Variants in ADAMTS18 observed in about 807,000 individuals in gnomAD.
ADAMTS18 encodes the protein ADAM metallopeptidase with thrombospondin type 1 motif 18, also known as A disintegrin and metalloproteinase with thrombospondin motifs 18.
In ADAMTS18, 157 loss-of-function variants were observed where a neutral mutation model predicts 165.9. That is an observed-to-expected ratio of 0.95 (90% CI 0.83 to 1.08). ADAMTS18 has a LOEUF of 1.08. Among genes scored for constraint, ADAMTS18 ranks in the 50% least tolerant of loss-of-function variants. The pLI is 0.00. For synonymous variants in ADAMTS18, 782 were observed against 578.2 expected (o/e 1.35, Z -5.06); for missense variants, 2,040 against 1,534.0 (o/e 1.33, Z -5.51).
chr16:77,306,360 G>A (rs2055681656), intron 16 of ADAMTS18, among the ~76,000 whole-genome samples: 1 of 152,122 alleles, frequency 6.6e-6, no homozygotes, highest in Admixed American at 6.5e-5. Context: ...CACAGACAGG[G>A]GCTGGAATCT....
intron 12 of ADAMTS18, among the ~76,000 whole-genome samples, chr16:77,327,653 A>G (rs1260122330): frequency 1.3e-5 from 2 of 152,190 alleles, no homozygotes; most frequent in Admixed American, 1.3e-4. Context: ...GACCCTCATC[A>G]TATTAGCCCC....
chr16:77,337,965 G>A (rs2056336862), intron 11 of ADAMTS18, among the ~76,000 whole-genome samples: 2 of 147,772 alleles, frequency 1.4e-5, no homozygotes, highest in African/African-American at 5.0e-5. Flanking sequence ...ATGCAGTGGT[G>A]CGATCTCGGC....
rs1193757720 is a variant in ADAMTS18, at chr16:77,332,085, C to T, written c.1859+3671G>A. On this transcript the variant is annotated intron_variant, in intron 12 of 22. Coordinates refer to ENST00000282849, the MANE Select transcript of ADAMTS18 (RefSeq NM_199355.4). ...GTTGACATAGGTACTATCGTTATCC[C>T]GTTTTTATAAGTGAGGAATCTGGAG... is the stretch of plus-strand genomic sequence containing the variant. Among the ~76,000 whole-genome samples, 6 of 152,200 alleles carry T rather than the reference C, an allele frequency of 3.9e-5. No individual in the cohort carries two copies. The East Asian group carries it at 9.7e-4, about 25-fold the overall frequency.
chr16:77,334,833 T>C (rs2056278708), intron 12 of ADAMTS18, among the ~76,000 whole-genome samples: 1 of 125,024 alleles, frequency 8.0e-6, no homozygotes, highest in South Asian at 2.4e-4. Context: ...CTATATACTA[T>C]AGTATACAGT....
intron 9 of ADAMTS18, 131 bp downstream of exon 9, chr16:77,355,809 A>G (rs987176361): frequency 3.6e-6 from 4 of 1,102,542 alleles, no homozygotes; most frequent in Non-Finnish European, 4.1e-6. Context: ...CATCATTATC[A>G]TCATCATTTG....
intron 3 of ADAMTS18, among the ~76,000 whole-genome samples, chr16:77,409,313 A>C (rs758767481): frequency 7.9e-5 from 12 of 152,206 alleles, no homozygotes; most frequent in African/African-American, 1.2e-4. Flanking sequence ...GCCACATTTT[A>C]GTCAAAACCT....
intron 3 of ADAMTS18, among the ~76,000 whole-genome samples, chr16:77,373,947 G>C (rs1213207292): frequency 1.3e-5 from 2 of 152,062 alleles, no homozygotes; most frequent in African/African-American, 4.8e-5. Flanking sequence ...GGCAGGGCAT[G>C]GTGGCTCACA....
chr16:77,325,910 A>C lies in ADAMTS18; in HGVS notation c.1988T>G (p.Phe663Cys). ...QQCAEYNSKPFRGWFYQWKPY... is the reference protein window; with the variant it reads ...QQCAEYNSKPCRGWFYQWKPY... ...TTTCCACTGGTAGAACCATCCACGG[A>C]AAGGTTTGCTGTTATATTCTGCACA... Residue 663 changes from phenylalanine to cysteine, a missense_variant, in exon 13 of 23, where the codon TTC becomes TGC. Transcript: ENST00000282849. The C allele has an allele frequency of 6.2e-7, 1 of 1,614,048 alleles. No homozygotes were observed. The highest frequency in any genetic ancestry group is 2.2e-5 in the East Asian group (1 of 44,858).
At chr16:77,375,519 C>T (rs554645689) in intron 3 of ADAMTS18, among the ~76,000 whole-genome samples, 4 of 152,208 alleles carry the variant, frequency 2.6e-5, no homozygotes, top group South Asian at 4.1e-4. Context: ...CTTGTGAGAC[C>T]GGAAGTCCTC....
At chr16:77,319,601 C>A (rs953633679) in intron 16 of ADAMTS18, among the ~76,000 whole-genome samples, 1 of 152,116 alleles carries the variant, frequency 6.6e-6, no homozygotes, top group Admixed American at 6.5e-5. Flanking sequence ...TGCCACCACA[C>A]CTGGCTAATT....
intron 21 of ADAMTS18, 76 bp from the exon 22 acceptor site, chr16:77,289,487 G>T: frequency 6.5e-7 from 1 of 1,543,306 alleles, no homozygotes. Context: ...GAATTCCCAT[G>T]CTTCATGACA....
chr16:77,301,095 A>C (rs1208609170), intron 16 of ADAMTS18, among the ~76,000 whole-genome samples: 1 of 152,198 alleles, frequency 6.6e-6, no homozygotes. Context: ...ATGCATTAGA[A>C]TAGACTTAAC....
At chr16:77,371,241 A>C (rs1488898914) in intron 3 of ADAMTS18, among the ~76,000 whole-genome samples, 1 of 151,980 alleles carries the variant, frequency 6.6e-6, no homozygotes, top group Non-Finnish European at 1.5e-5. Flanking sequence ...AAAAACAAAA[A>C]CAAAAACAAA....
At chr16:77,337,245 G>A (rs888171155) in intron 11 of ADAMTS18, among the ~76,000 whole-genome samples, 3 of 152,156 alleles carry the variant, frequency 2.0e-5, no homozygotes, top group African/African-American at 7.2e-5. Context: ...CCATAAGCAT[G>A]CATCTTTTCT....
At chr16:77,357,852 C>G (rs1293918637) in intron 8 of ADAMTS18, among the ~76,000 whole-genome samples, 1 of 152,088 alleles carries the variant, frequency 6.6e-6, no homozygotes, top group Non-Finnish European at 1.5e-5. Flanking sequence ...TCTGTCCTTC[C>G]CCCAACCTCT....
At chr16:77,414,360 C>A (rs916809831) in intron 3 of ADAMTS18, among the ~76,000 whole-genome samples, 1 of 152,144 alleles carries the variant, frequency 6.6e-6, no homozygotes, top group Admixed American at 6.5e-5. Flanking sequence ...CTCGTCTGAA[C>A]TGAAAGTGCA....
At chr16:77,398,307 ACT>A (rs2057284400) in intron 3 of ADAMTS18, among the ~76,000 whole-genome samples, 2 of 151,236 alleles carry the variant, frequency 1.3e-5, no homozygotes, top group South Asian at 4.2e-4. Context: ...ACAGAGAGAC[ACT>A]CTGTCTCAAA....
intron 3 of ADAMTS18, among the ~76,000 whole-genome samples, chr16:77,374,490 C>T (rs1183926144): frequency 1.3e-5 from 2 of 152,114 alleles, no homozygotes; most frequent in African/African-American, 4.8e-5. Flanking sequence ...AGGACCCTCT[C>T]CATGCCCTCA....
intron 12 of ADAMTS18, among the ~76,000 whole-genome samples, chr16:77,335,270 T>TAAA (rs560255934): frequency 1.7e-5 from 2 of 116,586 alleles, no homozygotes; most frequent in Admixed American, 9.1e-5. Flanking sequence ...ATGTGAGAGC[T>TAAA]AAAAAAAAAA....
Sources: gnomAD v4.1 joint callset for allele counts (sites outside exome capture counted in the v4.1 genomes callset) on GRCh38, gnomAD v4.1.1 for gene constraint, MANE v1.5 for transcripts, NCBI Gene and HGNC (gene_info 2026-07-23, HGNC 2026-07-21) for gene names.